Variants in TCF12 observed in about 807,000 individuals in gnomAD.
TCF12 encodes the protein DNA-binding protein HTF4.
TCF12 carries 45 observed loss-of-function variants against 86.0 expected under a neutral mutation model. The ratio of observed to expected loss-of-function variants is 0.52; its 90% CI spans 0.41 to 0.67. TCF12 has a LOEUF of 0.67. TCF12 is among the 30% of genes least tolerant of loss of function. The pLI is 0.00. For missense variants in TCF12, 881 were observed against 859.9 expected (o/e 1.02, Z -0.31); for synonymous variants, 330 against 299.6 (o/e 1.10, Z -1.05).
intron 6 of TCF12, among the ~76,000 whole-genome samples, chr15:57,180,360 A>G (rs2056248931): frequency 1.3e-5 from 2 of 152,176 alleles, no homozygotes; most frequent in Admixed American, 1.3e-4. Flanking sequence ...CGAAATTAGA[A>G]CAACAACTGC....
intron 4 of TCF12, among the ~76,000 whole-genome samples, chr15:57,075,829 TCTCTCTTTTCTTTCTTTC>T (rs2069923340): frequency 1.4e-5 from 1 of 73,346 alleles, no homozygotes; most frequent in Non-Finnish European, 2.7e-5. Context: ...TCTCTCTCTC[TCTCTCTTTTCTTTCTTTC>T]TTTCTTTCTT....
intron 3 of TCF12, among the ~76,000 whole-genome samples, chr15:56,958,178 G>A (rs748782602): frequency 1.4e-4 from 21 of 152,234 alleles, no homozygotes; most frequent in African/African-American, 4.6e-4. Context: ...CTGCCCTGCC[G>A]ACTCTATGAG....
intron 5 of TCF12, among the ~76,000 whole-genome samples, chr15:57,155,938 A>G (rs1311731519): frequency 6.6e-6 from 1 of 152,222 alleles, no homozygotes; most frequent in Non-Finnish European, 1.5e-5. Context: ...CAAAGTGTAC[A>G]AAATGTGCTT....
chr15:57,247,724 C>T lies in TCF12; in HGVS notation c.1115-3626C>T. 3 of 733,188 alleles carry T rather than the reference C, an allele frequency of 4.1e-6. No individual in the cohort carries two copies. The South Asian group carries it at 4.4e-5, about 11-fold the overall frequency. 45.4% of individuals were successfully genotyped at this position (733,188 alleles called of 1,614,324 possible). ...TACAGAATCCTCTATAGAAAGAGCT[C>T]TCTTTGGTTCCACTACACACCTGTC... is the stretch of plus-strand genomic sequence containing the variant. On this transcript the variant is annotated intron_variant, in intron 13 of 20. Coordinates refer to ENST00000333725, the MANE Select transcript of TCF12 (RefSeq NM_207037.2).
Position 56,920,487 on chromosome 15 carries a change from C to CGTGTGTGTGTGTGTGTGTGT in TCF12, c.75+502_76-517dup, listed in dbSNP as rs71113033. The stretch of plus-strand genomic sequence containing the variant: ...TACTTTTATTTTATACACACACACA[C>CGTGTGTGTGTGTGTGTGTGT]GTGTGTGTGTGTGTGTGTGTGTATT... On this transcript the variant is annotated intron_variant, in intron 2 of 20. Coordinates refer to ENST00000333725, the MANE Select transcript of TCF12 (RefSeq NM_207037.2). Among the ~76,000 whole-genome samples the CGTGTGTGTGTGTGTGTGTGT allele has an allele frequency of 2.5e-4, 37 of 146,960 alleles. 1 individual carries two copies. The highest frequency in any genetic ancestry group is 9.3e-4 in the African/African-American group (37 of 39,714).
At chr15:57,183,323 A>G (rs566398157) in intron 6 of TCF12, among the ~76,000 whole-genome samples, 4 of 152,312 alleles carry the variant, frequency 2.6e-5, no homozygotes, top group Non-Finnish European at 5.9e-5. Flanking sequence ...GACTTTATAT[A>G]CACAAATGCA....
intron 3 of TCF12, among the ~76,000 whole-genome samples, chr15:56,923,462 G>A (rs796427619): frequency 3.3e-5 from 5 of 152,126 alleles, no homozygotes; most frequent in African/African-American, 1.2e-4. Context: ...TTTTCTTCAC[G>A]TTATGGTGAG....
chr15:57,104,373 T>A (rs1390381252), intron 5 of TCF12, among the ~76,000 whole-genome samples: 5 of 150,878 alleles, frequency 3.3e-5, no homozygotes, highest in Non-Finnish European at 7.4e-5. Flanking sequence ...AGCAATATAC[T>A]AAGCACGTTG....
intron 5 of TCF12, among the ~76,000 whole-genome samples, chr15:57,119,898 C>G (rs1257728222): frequency 6.6e-6 from 1 of 152,200 alleles, no homozygotes; most frequent in East Asian, 1.9e-4. Context: ...GTTTCTGTCT[C>G]AGAACCTTAG....
chr15:57,054,792 T>G (rs1596317389), intron 3 of TCF12, among the ~76,000 whole-genome samples: 1 of 138,586 alleles, frequency 7.2e-6, no homozygotes, highest in African/African-American at 2.7e-5. Flanking sequence ...TTTTTTTTTT[T>G]TTTTTTTTTT....
intron 8 of TCF12, among the ~76,000 whole-genome samples, chr15:57,212,309 G>A (rs971043689): frequency 4.0e-5 from 6 of 151,718 alleles, no homozygotes; most frequent in Non-Finnish European, 7.4e-5. Flanking sequence ...TTCTAGAGAC[G>A]GTCTCTCTCT....
chr15:57,200,022 C>G (rs963695167), intron 8 of TCF12, among the ~76,000 whole-genome samples: 1 of 149,920 alleles, frequency 6.7e-6, no homozygotes, highest in African/African-American at 2.5e-5. Context: ...GCTGGGACTA[C>G]AGGGACAGGC....
intron 4 of TCF12, among the ~76,000 whole-genome samples, chr15:57,090,754 T>A (rs113365863): frequency 0.041 from 6,271 of 152,294 alleles, 364 homozygotes; most frequent in African/African-American, 0.13. Context: ...TAGTTTTTTC[T>A]CTTACTTGGG....
At chr15:57,139,652 TA>T (rs1213984248) in intron 5 of TCF12, among the ~76,000 whole-genome samples, 3 of 151,582 alleles carry the variant, frequency 2.0e-5, no homozygotes, top group African/African-American at 7.3e-5. Flanking sequence ...TTTACTTCTT[TA>T]AACCAAAAAA....
intron 6 of TCF12, among the ~76,000 whole-genome samples, chr15:57,169,608 T>G (rs1477933555): frequency 6.6e-6 from 1 of 152,174 alleles, no homozygotes; most frequent in Non-Finnish European, 1.5e-5. Context: ...ACAAAAGATA[T>G]TTTGGATCTT....
Position 57,116,790 on chromosome 15 carries a change from C to T in TCF12, c.325+24899C>T, listed in dbSNP as rs867257863. On this transcript the variant is annotated intron_variant, in intron 5 of 20. Transcript: ENST00000333725. Reference sequence around the variant, plus strand: ...CATTCTCATGTCACTTATAATGCTTCGTTATTTTATTTTTCTCTATATAAT... The same window carrying T: ...CATTCTCATGTCACTTATAATGCTTTGTTATTTTATTTTTCTCTATATAAT... Among the ~76,000 whole-genome samples, 103 of 152,156 alleles carry T rather than the reference C, an allele frequency of 6.8e-4. No individual in the cohort carries two copies. In the Middle Eastern group the frequency reaches 0.01, roughly 15 times the overall value.
chr15:56,929,227 T>C (rs1281978562), intron 3 of TCF12, among the ~76,000 whole-genome samples: 2 of 152,192 alleles, frequency 1.3e-5, no homozygotes, highest in Non-Finnish European at 2.9e-5. Context: ...AGCCCAACTC[T>C]AGAGCATATC....
chr15:57,020,078 A>G (rs2065384585), intron 3 of TCF12, among the ~76,000 whole-genome samples: 1 of 152,242 alleles, frequency 6.6e-6, no homozygotes, highest in Non-Finnish European at 1.5e-5. Flanking sequence ...TCTCACTGTC[A>G]TAATCTTTGC....
intron 8 of TCF12, among the ~76,000 whole-genome samples, chr15:57,225,032 T>C (rs1477379698): frequency 2.0e-5 from 3 of 152,126 alleles, no homozygotes. Context: ...AATCTGTCAT[T>C]TGTTGAAATA....
Sources: gnomAD v4.1 joint callset for allele counts (sites outside exome capture counted in the v4.1 genomes callset) on GRCh38, gnomAD v4.1.1 for gene constraint, MANE v1.5 for transcripts, NCBI Gene and HGNC (gene_info 2026-07-23, HGNC 2026-07-21) for gene names.